Variants in CHAF1A observed in about 807,000 individuals in gnomAD.
CHAF1A encodes the protein chromatin assembly factor 1 subunit A.
In CHAF1A, 5 loss-of-function variants were observed where a neutral mutation model predicts 93.2. That is an observed-to-expected ratio of 0.05 (90% CI 0.03 to 0.11). The LOEUF is 0.11. CHAF1A is among the 10% of genes least tolerant of loss of function. CHAF1A has a pLI of 1.00. For synonymous variants in CHAF1A, 504 were observed against 510.3 expected, an observed-to-expected ratio of 0.99 and a Z score of 0.17; for missense variants, 1,102 against 1,259.9, an observed-to-expected ratio of 0.87 and a Z score of 1.90.
rs201979194 is a variant in CHAF1A at position 4,429,779 on chromosome 19, C to T, written c.1845C>T (p.His615=). 13 of 1,613,124 alleles carry T rather than the reference C, an allele frequency of 8.1e-6. No homozygotes were observed. The African/African-American group carries it at 1.7e-4, about 22-fold the overall frequency. Residue 615 remains histidine, a synonymous_variant, in exon 10 of 15, where the codon CAC becomes CAT. Transcript: ENST00000301280. ...EEEEPGESLS[H]SEGDDDDDMG... is the part of the protein sequence containing the mutation. ...AGGAGCCTGGGGAGTCCCTGTCCCA[C>T]AGTGAGGGGGTAAGGATGTGCCCCA...
At chr19:4,415,498 A>G (rs936745205) in intron 3 of CHAF1A, among the ~76,000 whole-genome samples, 1 of 152,156 alleles carries the variant, frequency 6.6e-6, no homozygotes, top group Non-Finnish European at 1.5e-5. Context: ...TCTGAACACA[A>G]AGGGCAGCCC....
At chr19:4,448,237 C>T, downstream of CHAF1A, 5 of 1,300,716 alleles carry the variant, frequency 3.8e-6, no homozygotes, top group Non-Finnish European at 4.3e-6. Context: ...ATGAGGGGGC[C>T]AGAGGGGGTG....
At chr19:4,435,094 T>TG (rs1364754691) in intron 13 of CHAF1A, among the ~76,000 whole-genome samples, 2 of 135,048 alleles carry the variant, frequency 1.5e-5, no homozygotes, top group Non-Finnish European at 1.6e-5. Flanking sequence ...TTCCTTTTTT[T>TG]TTTTTTTTTT....
At chr19:4,405,523 G>A (rs575834429) in intron 1 of CHAF1A, among the ~76,000 whole-genome samples, 3 of 151,678 alleles carry the variant, frequency 2.0e-5, no homozygotes, top group African/African-American at 7.3e-5. Context: ...CAGGAGAATC[G>A]CTTGAACCCA....
In CHAF1A at chr19:4,423,382, G is replaced by A. The variant is rs1568435809; in HGVS notation, c.1295G>A (p.Arg432Lys). 3 of 1,614,146 alleles carry A rather than the reference G, an allele frequency of 1.9e-6. No individual in the cohort carries two copies. The East Asian group carries it at 6.7e-5, about 36-fold the overall frequency. Reference sequence around the variant, plus strand: ...AAAAAGGAAGAAGAGAAACGGTTAAGAGAAGAAGAGAAGGTAGAGTGTTTC... The same window carrying A: ...AAAAAGGAAGAAGAGAAACGGTTAAAAGAAGAAGAGAAGGTAGAGTGTTTC... ...KRKKEEEKRL[R>K]EEEKRIKAEK... is the part of the protein sequence containing the mutation. The change falls in exon 6 of 15, where the codon AGA (arginine) becomes AAA (lysine). Residue 432 changes from arginine (R) to lysine (K), a missense_variant. Around this residue, in one of 6 missense-constraint regions of CHAF1A, gnomAD observed 165 missense variants for 243.9 expected, o/e 0.68. Coordinates refer to ENST00000301280, the MANE Select transcript of CHAF1A (RefSeq NM_005483.3).
Position 4,402,659 on chromosome 19 carries a change from CGCGGCGGCAGCA to C in CHAF1A, c.-97_-86del, listed in dbSNP as rs980472661. Reference sequence around the variant, plus strand: ...TCCCGCCAAATACGAGCGCGGCGGCCGCGGCGGCAGCAGCGGCGCGGGCGGGAGGGCGAAGAG... The same window carrying C: ...TCCCGCCAAATACGAGCGCGGCGGCCGCGGCGCGGGCGGGAGGGCGAAGAG... On this transcript the variant is annotated 5_prime_UTR_variant, in exon 1 of 15. Transcript: ENST00000301280. The C allele has an allele frequency of 3.7e-5, 18 of 492,038 alleles. No homozygotes were observed. The highest frequency in any genetic ancestry group is 4.9e-5 in the Non-Finnish European group (17 of 344,526). The allele number at this position is 492,038 out of a possible 1,614,324, so 30.5% of individuals were successfully genotyped here.
At chr19:4,446,726 C>T (rs368642665), downstream of CHAF1A, 348 of 1,607,876 alleles carry the variant, frequency 2.2e-4, 1 homozygote, top group South Asian at 7.4e-4. Flanking sequence ...TCCTCTACAG[C>T]GTGGCAGGAC....
chr19:4,439,046 C>T (rs1292458492), intron 13 of CHAF1A, among the ~76,000 whole-genome samples: 4 of 151,590 alleles, frequency 2.6e-5, no homozygotes, highest in African/African-American at 7.3e-5. Context: ...TTTAGGAGAC[C>T]GAGGCAGGCG....
chr19:4,447,477 G>A, downstream of CHAF1A: 1 of 1,554,130 alleles, frequency 6.4e-7, no homozygotes, highest in Non-Finnish European at 8.9e-7. Flanking sequence ...CCTGGTGTGG[G>A]CCACCACCGG....
At position 4,443,024 on chromosome 19, in the gene CHAF1A, G is replaced by C. The variant is rs767494226; in HGVS notation, c.2870G>C (p.Ter957SerextTer4). 1 of 1,570,314 alleles carries C rather than the reference G, an allele frequency of 6.4e-7. No homozygotes were observed. Among genetic ancestry groups the C allele is most frequent in the Non-Finnish European group, 8.7e-7 (1 of 1,152,162 alleles). ...TLTASPLGAS[*>S] Reference sequence around the variant, plus strand: ...ACCGCGAGCCCACTGGGTGCATCCTGAGAGCAGGGGTGACGTATGTAGAAT... The same window carrying C: ...ACCGCGAGCCCACTGGGTGCATCCTCAGAGCAGGGGTGACGTATGTAGAAT... Residue 957 changes from the stop codon to serine (S), a stop_lost, in exon 15 of 15, where the codon TGA (stop) becomes TCA (serine). Coordinates refer to ENST00000301280, the MANE Select transcript of CHAF1A (RefSeq NM_005483.3).
Position 4,402,662 on chromosome 19 carries a change from G to GGCTGCAGCA in CHAF1A, c.-99_-98insTGCAGCAGC, listed in dbSNP as rs1568426956. The GGCTGCAGCA allele has an allele frequency of 1.5e-6, 1 of 682,510 alleles. No homozygotes were observed. Among genetic ancestry groups the GGCTGCAGCA allele is most frequent in the Non-Finnish European group, 2.0e-6 (1 of 502,790 alleles). 42.3% of individuals were successfully genotyped at this position (682,510 alleles called of 1,614,324 possible). ...CGCCAAATACGAGCGCGGCGGCCGC[G>GGCTGCAGCA]GCGGCAGCAGCGGCGCGGGCGGGAG... On this transcript the variant is annotated 5_prime_UTR_variant, in exon 1 of 15. Transcript: ENST00000301280.
At position 4,443,311 on chromosome 19, in the gene CHAF1A, A is replaced by G; in HGVS notation, c.*286A>G. 1 of 408,926 alleles carries G rather than the reference A, an allele frequency of 2.4e-6. No individual in the cohort carries two copies. The highest frequency in any genetic ancestry group is 3.7e-5 in the Admixed American group (1 of 27,162). The allele number at this position is 408,926 out of a possible 1,614,324, so 25.3% of individuals were successfully genotyped here. On this transcript the variant is annotated 3_prime_UTR_variant, in exon 15 of 15. Coordinates refer to ENST00000301280, the MANE Select transcript of CHAF1A (RefSeq NM_005483.3). ...CGTGGAATCCAATACTTGTAAATGA[A>G]TTGAAGCGTCAGGACCACCCGCCTG...
At chr19:4,438,132 A>G (rs1003567505) in intron 13 of CHAF1A, among the ~76,000 whole-genome samples, 1 of 152,002 alleles carries the variant, frequency 6.6e-6, no homozygotes, top group Admixed American at 6.6e-5. Context: ...TGGCAAACTC[A>G]TGTCACGGGG....
chr19:4,429,448 A>G lies in CHAF1A; in HGVS notation c.1615A>G (p.Ile539Val). The G allele has an allele frequency of 1.2e-6, 2 of 1,613,858 alleles. No individual in the cohort carries two copies. The highest frequency in any genetic ancestry group is 8.5e-7 in the Non-Finnish European group (1 of 1,179,946). Reference protein sequence around the residue: ...NADIFNSDVVIVERGKGDGVP... With the variant: ...NADIFNSDVVVVERGKGDGVP... ...GGTTTTCCTTCTCAGTGATGTCGTC[A>G]TCGTGGAGCGTGGGAAGGGCGACGG... The change falls in exon 9 of 15, where the codon ATC becomes GTC. Residue 539 changes from isoleucine to valine, a missense_variant. By Grantham distance (29) the Ile-to-Val change is conservative. This residue lies in a region of CHAF1A where 335 missense variants were observed against 361.9 expected (regional missense o/e 0.93). Transcript: ENST00000301280.
chr19:4,434,505 G>A lies in CHAF1A; in HGVS notation c.2673+966G>A, dbSNP rs1386955128. On this transcript the variant is annotated intron_variant, in intron 13 of 14. Transcript: ENST00000301280. ...CTTCTCCCCACTGAAAGGCCCCTGT[G>A]CTCTGCCCGTCCAATCCCTTGGAAA... Among the ~76,000 whole-genome samples the A allele has an allele frequency of 5.3e-5, 8 of 152,224 alleles. No homozygotes were observed. The East Asian group carries it at 1.3e-3, about 26-fold the overall frequency.
At chr19:4,442,872 A>T in intron 14 of CHAF1A, 53 bp from the exon 15 acceptor site, 1 of 1,365,254 alleles carries the variant, frequency 7.3e-7, no homozygotes, top group East Asian at 2.5e-5. Context: ...GTCTTCCCCC[A>T]GGGAGCCCAG....
In CHAF1A at chr19:4,438,843, G is replaced by A. The variant is rs537459503; in HGVS notation, c.2674-3402G>A. Among the ~76,000 whole-genome samples the A allele has an allele frequency of 5.4e-4, 82 of 152,290 alleles. 1 individual carries two copies. The highest frequency in any genetic ancestry group is 1.7e-3 in the African/African-American group (72 of 41,566). On this transcript the variant is annotated intron_variant, in intron 13 of 14. Transcript: ENST00000301280. ...TAAAAATACAAAAAATTAGCCAGGC[G>A]TGGTGGCGGCTGCCTGTAGTCCCAG...
rs1320799529 is a variant in CHAF1A, at chr19:4,409,681, C to A, written c.882C>A (p.Ser294Arg). The change falls in exon 3 of 15, where the codon AGC becomes AGA. Residue 294 changes from serine (S) to arginine (R), a missense_variant. This residue lies in a region of CHAF1A where 379 missense variants were observed against 365.7 expected (regional missense o/e 1.04). Coordinates refer to ENST00000301280, the MANE Select transcript of CHAF1A (RefSeq NM_005483.3). The part of the protein sequence containing the change: ...HSSLSSPSST[S>R]SPEGPPAPPK... ...CCCTGAGCTCTCCCTCTTCCACCAG[C>A]TCGCCCGAGGGGCCGCCTGCTCCCC... is the stretch of plus-strand genomic sequence containing the variant. 5 of 1,614,082 alleles carry A rather than the reference C, an allele frequency of 3.1e-6. No individual in the cohort carries two copies. In the Admixed American group the frequency reaches 6.7e-5, roughly 22 times the overall value.
downstream of CHAF1A, chr19:4,448,441 C>T (rs371042638): frequency 8.5e-5 from 134 of 1,582,562 alleles, no homozygotes; most frequent in Non-Finnish European, 1.1e-4. Flanking sequence ...CAGGGAAAGC[C>T]ACTCACTGAG....
Sources: gnomAD v4.1 joint callset for allele counts (sites outside exome capture counted in the v4.1 genomes callset) on GRCh38, gnomAD v4.1.1 for gene constraint, gnomAD v4.1.1 regional missense constraint, MANE v1.5 for transcripts, NCBI Gene and HGNC (gene_info 2026-07-23, HGNC 2026-07-21) for gene names.